The following BCHE variants were observed in gnomAD, a reference collection of about 807,000 sequenced individuals.
BCHE encodes cholinesterase.
Under a neutral mutation model 51.3 loss-of-function variants are expected in BCHE, and 48 were observed. The observed-to-expected ratio is 0.94, with a 90% CI of 0.74 to 1.19. The LOEUF (loss-of-function observed/expected upper bound fraction) is 1.19, where lower values mean the gene tolerates loss of function less well. Ranked by LOEUF, BCHE falls within the 50% of genes most tolerant of loss-of-function variation. The probability of loss-of-function intolerance (pLI) is 0.00; values close to 1 mark genes in which losing one functional copy is unlikely to be tolerated. For missense variants in BCHE, 847 were observed against 708.2 expected (o/e 1.20, Z -2.23); for synonymous variants, 251 against 238.0 (o/e 1.05, Z -0.50).
intron 2 of BCHE, among the ~76,000 whole-genome samples, chr3:165,789,051 A>G (rs183870129): frequency 2.6e-4 from 39 of 152,302 alleles, no homozygotes; most frequent in Middle Eastern, 3.4e-3. Context: ...TTTTATTTCA[A>G]AATTATAACA....
At chr3:165,818,765 A>G (rs1001977940) in intron 2 of BCHE, among the ~76,000 whole-genome samples, 6 of 152,182 alleles carry the variant, frequency 3.9e-5, no homozygotes, top group African/African-American at 1.4e-4. Context: ...AGACTTATCT[A>G]TAGGTATACC....
At chr3:165,828,162 A>T (rs1714803504) in intron 2 of BCHE, 1 of 434,608 alleles carries the variant, frequency 2.3e-6, no homozygotes, top group Non-Finnish European at 4.6e-6. Flanking sequence ...GAATTAAAGA[A>T]ATGTTGCATG....
At chr3:165,794,455 C>T (rs1454741274) in intron 2 of BCHE, among the ~76,000 whole-genome samples, 1 of 152,060 alleles carries the variant, frequency 6.6e-6, no homozygotes, top group Non-Finnish European at 1.5e-5. Flanking sequence ...ATTCTGGAAG[C>T]TGGGAAATTC....
At chr3:165,777,853 A>C in intron 3 of BCHE, 1 of 408,234 alleles carries the variant, frequency 2.4e-6, no homozygotes, top group Non-Finnish European at 5.0e-6. Flanking sequence ...CTTCCACTCA[A>C]TAAGTAGTAA....
chr3:165,809,451 T>G (rs566763750), intron 2 of BCHE, among the ~76,000 whole-genome samples: 8 of 152,288 alleles, frequency 5.3e-5, no homozygotes, highest in African/African-American at 1.9e-4. Flanking sequence ...TTGTATACTT[T>G]TAATGTTTTT....
At chr3:165,832,122 T>A (rs886228549) in intron 1 of BCHE, among the ~76,000 whole-genome samples, 1 of 152,154 alleles carries the variant, frequency 6.6e-6, no homozygotes, top group Non-Finnish European at 1.5e-5. Flanking sequence ...GTATTTGACA[T>A]TTATGAAATA....
intron 3 of BCHE, among the ~76,000 whole-genome samples, chr3:165,780,058 A>G (rs1407282074): frequency 6.6e-6 from 1 of 152,208 alleles, no homozygotes; most frequent in Non-Finnish European, 1.5e-5. Flanking sequence ...TACTACCAAA[A>G]GAGACATATA....
chr3:165,782,992 C>T (rs960021772), intron 3 of BCHE, among the ~76,000 whole-genome samples: 2 of 151,978 alleles, frequency 1.3e-5, no homozygotes, highest in African/African-American at 4.8e-5. Context: ...TTTAGGGGGA[C>T]ACAAACATTC....
intron 2 of BCHE, among the ~76,000 whole-genome samples, chr3:165,809,615 GCAAATGTATTAAGGCAAAT>G (rs1422942149): frequency 1.9e-3 from 282 of 151,980 alleles, no homozygotes; most frequent in African/African-American, 6.6e-3. Flanking sequence ...TTGTATTAAG[GCAAATGTATTAAGGCAAAT>G]TGTATTAAGG....
chr3:165,773,654 G>A (rs527353929), intron 3 of BCHE, 148 bp from the exon 4 acceptor site: 36 of 614,276 alleles, frequency 5.9e-5, no homozygotes, highest in African/African-American at 3.8e-5. Flanking sequence ...TTATTAGCTC[G>A]CTTTGCCTGA....
chr3:165,797,302 TC>T (rs373638710), intron 2 of BCHE, among the ~76,000 whole-genome samples: 80 of 716 alleles, frequency 0.11, 23 homozygotes, highest in African/African-American at 0.19. Flanking sequence ...CCTCCCTCCC[TC>T]CCCCCCTTCC....
chr3:165,779,785 A>G (rs78654305), intron 3 of BCHE, among the ~76,000 whole-genome samples: 2 of 152,162 alleles, frequency 1.3e-5, no homozygotes, highest in East Asian at 3.9e-4. Flanking sequence ...ATGGAAAAAC[A>G]TTTCATCCTC....
intron 3 of BCHE, among the ~76,000 whole-genome samples, chr3:165,775,966 AT>A (rs1712453402): frequency 6.6e-6 from 1 of 151,762 alleles, no homozygotes; most frequent in African/African-American, 2.4e-5. Flanking sequence ...CTTATTTCAT[AT>A]TGGCTTGTTT....
chr3:165,781,333 A>G (rs1182096673), intron 3 of BCHE, among the ~76,000 whole-genome samples: 2 of 148,242 alleles, frequency 1.3e-5, no homozygotes, highest in Non-Finnish European at 3.0e-5. Flanking sequence ...AAACCAACCC[A>G]AAAGCCTATC....
At chr3:165,775,777 G>T (rs570160661) in intron 3 of BCHE, among the ~76,000 whole-genome samples, 1 of 151,864 alleles carries the variant, frequency 6.6e-6, no homozygotes, top group South Asian at 2.1e-4. Flanking sequence ...AGAAATAGGG[G>T]GCATTGATTG....
chr3:165,804,713 G>A (rs1236906300), intron 2 of BCHE, among the ~76,000 whole-genome samples: 2 of 152,188 alleles, frequency 1.3e-5, no homozygotes, highest in African/African-American at 4.8e-5. Context: ...GACAGAACAG[G>A]TATAAATATC....
chr3:165,812,038 T>C (rs1714119473), intron 2 of BCHE, among the ~76,000 whole-genome samples: 1 of 152,010 alleles, frequency 6.6e-6, no homozygotes, highest in Admixed American at 6.6e-5. Context: ...GAAGGCTGTA[T>C]ACTAAAGACT....
chr3:165,819,779 G>A (rs1188123547), intron 2 of BCHE, among the ~76,000 whole-genome samples: 1 of 151,848 alleles, frequency 6.6e-6, no homozygotes, highest in Non-Finnish European at 1.5e-5. Context: ...TCTGATTGTG[G>A]AACAGAAAAA....
intron 2 of BCHE, among the ~76,000 whole-genome samples, chr3:165,797,015 A>G (rs1287331574): frequency 6.6e-6 from 1 of 152,122 alleles, no homozygotes; most frequent in Non-Finnish European, 1.5e-5. Context: ...TAAAGAGGAG[A>G]TACGAGGCAA....
Sources: allele counts gnomAD v4.1 joint callset (sites outside exome capture counted in the v4.1 genomes callset), GRCh38; gene constraint gnomAD v4.1.1; transcripts MANE v1.5; gene names NCBI Gene and HGNC (gene_info 2026-07-23, HGNC 2026-07-21).